The following SLC30A4 variants were observed in gnomAD, a reference collection of about 807,000 sequenced individuals.
SLC30A4 encodes probable proton-coupled zinc antiporter SLC30A4.
A neutral mutation model predicts 41.7 loss-of-function variants in SLC30A4; 20 were observed. That is an observed-to-expected ratio of 0.48 (90% CI 0.34 to 0.70). SLC30A4 has a LOEUF of 0.70. Among genes scored for constraint, SLC30A4 ranks in the 30% least tolerant of loss-of-function variants. SLC30A4 has a pLI of 0.01. For synonymous variants in SLC30A4, 181 were observed against 195.9 expected, an observed-to-expected ratio of 0.92 and a Z score of 0.64; for missense variants, 441 against 529.3, an observed-to-expected ratio of 0.83 and a Z score of 1.64.
chr15:45,485,727 T>C lies in SLC30A4; in HGVS notation c.1136-410A>G, dbSNP rs937285104. On this transcript the variant is annotated intron_variant, in intron 7 of 7. Transcript: ENST00000261867. ...ATGGGAAATATTCTTTCTTTTTTTTTTTTTTTTAAGATGGAGTTTCGCTCT... is the reference window on the plus strand; with the variant it reads ...ATGGGAAATATTCTTTCTTTTTTTTCTTTTTTTAAGATGGAGTTTCGCTCT... 3.9e-5 allele frequency among the ~76,000 whole-genome samples: 6 copies of C among 152,206 alleles called. No individual in the cohort carries two copies. The East Asian group carries it at 1.2e-3, about 29-fold the overall frequency.
chr15:45,516,462 CAGTT>C (rs1169763766), intron 2 of SLC30A4, among the ~76,000 whole-genome samples: 1 of 152,208 alleles, frequency 6.6e-6, no homozygotes, highest in African/African-American at 2.4e-5. Context: ...TCTACTAAGT[CAGTT>C]AGTTCTTTAT....
intron 2 of SLC30A4, among the ~76,000 whole-genome samples, chr15:45,518,211 C>CT (rs889934041): frequency 1.5e-4 from 22 of 148,868 alleles, no homozygotes; most frequent in East Asian, 3.9e-4. Flanking sequence ...TCCTACTATT[C>CT]TTTTTTTTTT....
intron 2 of SLC30A4, among the ~76,000 whole-genome samples, chr15:45,516,599 T>C (rs1176402917): frequency 1.3e-5 from 2 of 152,204 alleles, no homozygotes; most frequent in East Asian, 3.8e-4. Flanking sequence ...CCAGGTATGG[T>C]GGCTCACGCC....
chr15:45,502,495 C>T (rs570866237), intron 3 of SLC30A4: 1 of 152,366 alleles, frequency 6.6e-6, no homozygotes, highest in African/African-American at 2.4e-5. Flanking sequence ...AAGCAATCTT[C>T]CTATCTTAGC....
At chr15:45,497,881 C>A (rs1325018996) in intron 3 of SLC30A4, among the ~76,000 whole-genome samples, 1 of 151,904 alleles carries the variant, frequency 6.6e-6, no homozygotes, top group Non-Finnish European at 1.5e-5. Context: ...CCTATTTCCC[C>A]ACCTATACTA....
At chr15:45,494,929 G>A (rs576357510) in intron 3 of SLC30A4, among the ~76,000 whole-genome samples, 2 of 152,030 alleles carry the variant, frequency 1.3e-5, no homozygotes, top group African/African-American at 4.8e-5. Flanking sequence ...GAAGCTGAGG[G>A]GGGAGGATCA....
In SLC30A4 at chr15:45,483,011, T is replaced by G. The variant is rs1891627789; in HGVS notation, c.*2152A>C. 6.6e-6 allele frequency: 1 copy of G among 152,138 alleles called. No homozygotes were observed. The highest frequency in any genetic ancestry group is 2.4e-5 in the African/African-American group (1 of 41,428). 9.4% of individuals were successfully genotyped at this position (152,138 alleles called of 1,614,324 possible). A position where few individuals can be genotyped will look rare whatever the true frequency, so the allele number is the denominator to read the frequency against. On this transcript the variant is annotated 3_prime_UTR_variant, in exon 8 of 8. Transcript: ENST00000261867. Reference sequence around the variant, plus strand: ...AAAGACCAGGCTGGTCATGAACTCTTGGCCTCGAGGGATACTTCCACCTTT... The same window carrying G: ...AAAGACCAGGCTGGTCATGAACTCTGGGCCTCGAGGGATACTTCCACCTTT...
intron 3 of SLC30A4, among the ~76,000 whole-genome samples, chr15:45,491,183 G>A (rs1488314415): frequency 6.6e-6 from 1 of 151,792 alleles, no homozygotes. Flanking sequence ...CACCACACCT[G>A]GCTAATCATT....
In SLC30A4 at chr15:45,483,390, C is replaced by G. The variant is rs1025191461; in HGVS notation, c.*1773G>C. 1.2e-4 allele frequency: 19 copies of G among 152,290 alleles called. No individual in the cohort carries two copies. Among genetic ancestry groups the G allele is most frequent in the Middle Eastern group, 3.4e-3 (1 of 294 alleles). 9.4% of individuals were successfully genotyped at this position (152,290 alleles called of 1,614,324 possible). A position where few individuals can be genotyped will look rare whatever the true frequency, so the allele number is the denominator to read the frequency against. On this transcript the variant is annotated 3_prime_UTR_variant, in exon 8 of 8. Coordinates refer to ENST00000261867, the MANE Select transcript of SLC30A4 (RefSeq NM_013309.6). ...CCATTCTTCGTGTAAGAAACTGTCA[C>G]TGTTGAAAAGGGACTCCAAATGTGC...
intron 3 of SLC30A4, among the ~76,000 whole-genome samples, chr15:45,507,049 C>T (rs947507186): frequency 2.0e-5 from 3 of 151,878 alleles, no homozygotes; most frequent in South Asian, 2.1e-4. Flanking sequence ...TGGCTGGGGG[C>T]GGTGGCTCAT....
At chr15:45,505,252 A>AG (rs1566879455) in intron 3 of SLC30A4, among the ~76,000 whole-genome samples, 2 of 151,268 alleles carry the variant, frequency 1.3e-5, no homozygotes, top group Admixed American at 6.6e-5. Context: ...AAAAAAAAAA[A>AG]AAAGAAAGAA....
chr15:45,499,201 A>T (rs1188786844), intron 3 of SLC30A4, among the ~76,000 whole-genome samples: 3 of 151,572 alleles, frequency 2.0e-5, no homozygotes, highest in Admixed American at 2.0e-4. Context: ...CCTCTCGAGT[A>T]GCTGGGACTA....
intron 3 of SLC30A4, among the ~76,000 whole-genome samples, chr15:45,493,734 G>C (rs1891853985): frequency 6.6e-6 from 1 of 152,136 alleles, no homozygotes; most frequent in African/African-American, 2.4e-5. Context: ...GCTGAGGCAG[G>C]AGAATTGCTT....
Position 45,483,334 on chromosome 15 carries a change from T to G in SLC30A4, c.*1829A>C, listed in dbSNP as rs1891634209. On this transcript the variant is annotated 3_prime_UTR_variant, in exon 8 of 8. Transcript: ENST00000261867. ...TTTGCCTGGTACATTGTTACCCTAC[T>G]CTGATTCTTAGAGGAGCCCAATAAC... The G allele has an allele frequency of 6.6e-6, 1 of 152,224 alleles. No homozygotes were observed. Among genetic ancestry groups the G allele is most frequent in the Non-Finnish European group, 1.5e-5 (1 of 68,044 alleles). 9.4% of individuals were successfully genotyped at this position (152,224 alleles called of 1,614,324 possible). A position where few individuals can be genotyped will look rare whatever the true frequency, so the allele number is the denominator to read the frequency against.
In SLC30A4 at chr15:45,485,234, T is replaced by C; in HGVS notation, c.1219A>G (p.Thr407Ala). ...TGCCTGTAACTCTGAAGCTGAATAG[T>C]ACATCTATACATGCCAAATGTGTTC... is the stretch of plus-strand genomic sequence containing the variant. ...LLNTFGMYRC[T>A]IQLQSYRQEV... Residue 407 changes from threonine to alanine, a missense_variant, in exon 8 of 8, where the codon ACT becomes GCT. Transcript: ENST00000261867. 6.2e-7 allele frequency: 1 copy of C among 1,611,020 alleles called. No individual in the cohort carries two copies. Among genetic ancestry groups the C allele is most frequent in the Non-Finnish European group, 8.5e-7 (1 of 1,177,404 alleles).
Position 45,522,092 on chromosome 15 carries a change from A to G in SLC30A4, c.263T>C (p.Leu88Pro). The change falls in exon 2 of 8, where the codon CTG becomes CCG. Residue 88 changes from leucine (L) to proline (P), a missense_variant. Coordinates refer to ENST00000261867, the MANE Select transcript of SLC30A4 (RefSeq NM_013309.6). ...DQDLPLTNSQ[L>P]SLKVDSCDNC... ...GTCACAGGAGTCCACCTTCAAACTC[A>G]GCTGACTGTTGGTCAAAGGTAAGTC... The G allele has an allele frequency of 6.2e-7, 1 of 1,614,228 alleles. No homozygotes were observed. Among genetic ancestry groups the G allele is most frequent in the African/African-American group, 1.3e-5 (1 of 75,070 alleles).
intron 5 of SLC30A4, among the ~76,000 whole-genome samples, chr15:45,487,966 T>C (rs1368388734): frequency 8.7e-6 from 1 of 114,632 alleles, no homozygotes; most frequent in Admixed American, 7.9e-5. Context: ...AAAAAGTGTG[T>C]GTGTGTGTGT....
intron 3 of SLC30A4, among the ~76,000 whole-genome samples, chr15:45,510,702 G>A (rs906921546): frequency 2.0e-5 from 3 of 152,136 alleles, no homozygotes; most frequent in East Asian, 1.9e-4. Context: ...ATGTTGATAC[G>A]ATGGCTGCAG....
chr15:45,519,816 A>AT (rs1254074138), intron 2 of SLC30A4, among the ~76,000 whole-genome samples: 1 of 152,138 alleles, frequency 6.6e-6, no homozygotes, highest in Non-Finnish European at 1.5e-5. Context: ...TGTGATTGTT[A>AT]TTTTAACTTC....
Sources: allele counts gnomAD v4.1 joint callset (sites outside exome capture counted in the v4.1 genomes callset), GRCh38; gene constraint gnomAD v4.1.1; transcripts MANE v1.5; gene names NCBI Gene and HGNC (gene_info 2026-07-23, HGNC 2026-07-21).